The following DCC variants were observed in gnomAD, a reference collection of about 807,000 sequenced individuals.
DCC encodes the protein netrin receptor DCC.
In DCC, 58 loss-of-function variants were observed where a neutral mutation model predicts 172.5. That is an observed-to-expected ratio of 0.34 (90% confidence interval 0.27 to 0.42). DCC has a LOEUF of 0.42. DCC is among the 10% of genes least tolerant of loss of function. The probability of loss-of-function intolerance (pLI) is 1.00; values close to 1 mark genes in which losing one functional copy is unlikely to be tolerated. For synonymous variants in DCC, 709 were observed against 644.5 expected (o/e 1.10, Z -1.52); for missense variants, 1,740 against 1,791.0 (o/e 0.97, Z 0.51).
At chr18:53,312,505 T>C (rs2057286742) in intron 13 of DCC, among the ~76,000 whole-genome samples, 1 of 143,834 alleles carries the variant, frequency 7.0e-6, no homozygotes, top group African/African-American at 2.6e-5. Context: ...AGATCTAAGA[T>C]AACAGCTTTT....
At chr18:52,367,198 G>A (rs534179234) in intron 1 of DCC, among the ~76,000 whole-genome samples, 1 of 149,728 alleles carries the variant, frequency 6.7e-6, no homozygotes, top group Admixed American at 6.6e-5. Context: ...ACTGCTCTGA[G>A]TGCGGGGCCC....
intron 5 of DCC, among the ~76,000 whole-genome samples, chr18:53,022,937 C>T (rs1334017209): frequency 6.6e-6 from 1 of 151,986 alleles, no homozygotes. Flanking sequence ...TCAATGATAT[C>T]CCCTTGAAAG....
intron 1 of DCC, among the ~76,000 whole-genome samples, chr18:52,625,187 G>T (rs1377441656): frequency 6.6e-6 from 1 of 152,126 alleles, no homozygotes; most frequent in Non-Finnish European, 1.5e-5. Context: ...CATCATTTAT[G>T]CAGTCTGTCA....
At chr18:52,860,960 C>A (rs768450131) in intron 2 of DCC, among the ~76,000 whole-genome samples, 22 of 149,212 alleles carry the variant, frequency 1.5e-4, no homozygotes, top group Non-Finnish European at 2.5e-4. Context: ...GAGCTGGGAT[C>A]TCACCACTGC....
chr18:53,071,486 C>T (rs889934437), intron 7 of DCC, among the ~76,000 whole-genome samples: 4 of 152,164 alleles, frequency 2.6e-5, no homozygotes, highest in African/African-American at 9.7e-5. Context: ...GCCATACACA[C>T]AGTGCTATCT....
At chr18:52,831,968 G>T (rs180816657) in intron 2 of DCC, among the ~76,000 whole-genome samples, 31 of 152,194 alleles carry the variant, frequency 2.0e-4, no homozygotes, top group Non-Finnish European at 3.5e-4. Context: ...GATTTAAAAA[G>T]AATTTTTAAA....
chr18:52,585,188 A>G (rs77052131), intron 1 of DCC, among the ~76,000 whole-genome samples: 6,582 of 152,298 alleles, frequency 0.043, 170 homozygotes, highest in Non-Finnish European at 0.054. Flanking sequence ...TGGAAACCAA[A>G]CTTGCCAAAT....
intron 8 of DCC, among the ~76,000 whole-genome samples, chr18:53,164,351 T>A (rs1373801196): frequency 6.6e-6 from 1 of 152,200 alleles, no homozygotes; most frequent in Non-Finnish European, 1.5e-5. Flanking sequence ...GCTCAATGGA[T>A]CCTTCCACCT....
intron 2 of DCC, among the ~76,000 whole-genome samples, chr18:52,827,096 A>G (rs1568128941): frequency 1.3e-5 from 2 of 152,062 alleles, no homozygotes; most frequent in South Asian, 4.1e-4. Flanking sequence ...ACTGAGGGAG[A>G]GATGACTTTA....
intron 1 of DCC, among the ~76,000 whole-genome samples, chr18:52,521,801 G>T (rs1340436008): frequency 6.6e-6 from 1 of 152,074 alleles, no homozygotes; most frequent in Non-Finnish European, 1.5e-5. Context: ...TTGACTAAAG[G>T]TGACATAAAA....
intron 7 of DCC, among the ~76,000 whole-genome samples, chr18:53,081,838 T>C (rs2042810447): frequency 6.6e-6 from 1 of 152,110 alleles, no homozygotes; most frequent in Non-Finnish European, 1.5e-5. Context: ...TATTCCTATT[T>C]AAATTAAACA....
intron 10 of DCC, among the ~76,000 whole-genome samples, chr18:53,206,254 T>C (rs1417080257): frequency 1.5e-5 from 2 of 135,318 alleles, no homozygotes; most frequent in African/African-American, 5.4e-5. Flanking sequence ...AATACATATA[T>C]ACCACATATA....
At position 52,950,692 on chromosome 18, in the gene DCC, AG is replaced by A. The variant is rs565928415; in HGVS notation, c.985+25328del. ...GTAATTCCAGCACTTTGGGAGGCCG[AG>A]GGGGGTGGATCACGAGGTCAGGAGA... On this transcript the variant is annotated intron_variant, in intron 5 of 28. Transcript: ENST00000442544. Among the ~76,000 whole-genome samples the A allele has an allele frequency of 1.6e-3, 242 of 151,602 alleles. 1 individual carries two copies. Among genetic ancestry groups the A allele is most frequent in the African/African-American group, 5.7e-3 (237 of 41,354 alleles).
chr18:53,278,678 G>A (rs986016413), intron 12 of DCC, among the ~76,000 whole-genome samples: 2 of 152,060 alleles, frequency 1.3e-5, no homozygotes, highest in East Asian at 3.9e-4. Flanking sequence ...TCTTTCAGTT[G>A]AGAATTCAAT....
At chr18:53,122,324 G>T (rs2144291931) in intron 7 of DCC, among the ~76,000 whole-genome samples, 1 of 151,992 alleles carries the variant, frequency 6.6e-6, no homozygotes, top group African/African-American at 2.4e-5. Flanking sequence ...TTAACCAATT[G>T]GCTTTTCTTT....
intron 2 of DCC, among the ~76,000 whole-genome samples, chr18:52,793,482 G>A (rs9956816): frequency 0.043 from 6,560 of 152,220 alleles, 221 homozygotes; most frequent in South Asian, 0.16. Context: ...TCCTTTATCA[G>A]TAGTATTTGT....
At chr18:52,611,197 A>C (rs1874239695) in intron 1 of DCC, among the ~76,000 whole-genome samples, 1 of 152,082 alleles carries the variant, frequency 6.6e-6, no homozygotes. Context: ...TTCAGCTCAC[A>C]GGGTGTCTTT....
chr18:52,837,764 A>T (rs2038732979), intron 2 of DCC, among the ~76,000 whole-genome samples: 1 of 152,138 alleles, frequency 6.6e-6, no homozygotes, highest in South Asian at 2.1e-4. Flanking sequence ...CACCTTATTT[A>T]TGATACCAAT....
chr18:52,893,115 A>T (rs1483474937), intron 2 of DCC, among the ~76,000 whole-genome samples: 3 of 151,842 alleles, frequency 2.0e-5, no homozygotes, highest in Admixed American at 1.3e-4. Flanking sequence ...TGGGCAGACT[A>T]CTCTCTCTAC....
Sources: allele counts gnomAD v4.1 joint callset (sites outside exome capture counted in the v4.1 genomes callset), GRCh38; gene constraint gnomAD v4.1.1; transcripts MANE v1.5; gene names NCBI Gene and HGNC (gene_info 2026-07-23, HGNC 2026-07-21).